SMYD3: variants seen among roughly 807,000 people sequenced by gnomAD.
SMYD3 encodes SET and MYND domain containing 3.
SMYD3 carries 36 observed loss-of-function variants against 57.7 expected under a neutral mutation model. The ratio of observed to expected loss-of-function variants is 0.62; its 90% CI spans 0.48 to 0.82. SMYD3 has a LOEUF of 0.82. SMYD3 is among the 40% of genes least tolerant of loss of function. SMYD3 has a pLI of 0.00. For missense variants in SMYD3, 515 were observed against 538.8 expected (o/e 0.96, Z 0.44); for synonymous variants, 211 against 195.0 (o/e 1.08, Z -0.68).
At chr1:245,828,132 T>G (rs924196903) in intron 10 of SMYD3, among the ~76,000 whole-genome samples, 1 of 152,198 alleles carries the variant, frequency 6.6e-6, no homozygotes, top group Admixed American at 6.5e-5. Flanking sequence ...TATCCACATA[T>G]TAAATAAAGA....
intron 5 of SMYD3, among the ~76,000 whole-genome samples, chr1:246,039,340 T>G (rs1283677473): frequency 6.6e-6 from 1 of 152,234 alleles, no homozygotes; most frequent in Non-Finnish European, 1.5e-5. Context: ...TTCATCTAGA[T>G]GTAAACATAG....
At chr1:246,246,192 G>C (rs1284068799) in intron 5 of SMYD3, among the ~76,000 whole-genome samples, 1 of 152,068 alleles carries the variant, frequency 6.6e-6, no homozygotes, top group African/African-American at 2.4e-5. Flanking sequence ...TTCAATTATG[G>C]TGGCTTTCTT....
Position 245,773,428 on chromosome 1 carries a change from C to A in SMYD3, c.1077-9279G>T, listed in dbSNP as rs528172863. On this transcript the variant is annotated intron_variant, in intron 10 of 11. Transcript: ENST00000490107. Reference sequence around the variant, plus strand: ...TATATTAAGTGTGTTCAATTATTTTCACTTCACACTGGACTTAAAAATTTC... The same window carrying A: ...TATATTAAGTGTGTTCAATTATTTTAACTTCACACTGGACTTAAAAATTTC... Among the ~76,000 whole-genome samples, 7 of 152,318 alleles carry A rather than the reference C, an allele frequency of 4.6e-5. No homozygotes were observed. The South Asian group carries it at 1.5e-3, about 32-fold the overall frequency.
intron 8 of SMYD3, among the ~76,000 whole-genome samples, chr1:245,911,610 C>T (rs2054993775): frequency 6.6e-6 from 1 of 151,868 alleles, no homozygotes; most frequent in East Asian, 1.9e-4. Flanking sequence ...TTAAAGACAT[C>T]ACATGATGTG....
At chr1:245,753,862 T>C (rs1304027965) in intron 11 of SMYD3, among the ~76,000 whole-genome samples, 1 of 152,254 alleles carries the variant, frequency 6.6e-6, no homozygotes, top group Admixed American at 6.5e-5. Flanking sequence ...TCTGGTTTAA[T>C]TTCCTGCAGT....
intron 2 of SMYD3, among the ~76,000 whole-genome samples, chr1:246,353,123 A>C (rs909590894): frequency 6.6e-6 from 1 of 152,240 alleles, no homozygotes; most frequent in Non-Finnish European, 1.5e-5. Flanking sequence ...TCTTGTTGGT[A>C]ACAATCTTAC....
At chr1:246,015,513 T>C (rs769008398) in intron 5 of SMYD3, among the ~76,000 whole-genome samples, 1 of 152,198 alleles carries the variant, frequency 6.6e-6, no homozygotes, top group Non-Finnish European at 1.5e-5. Context: ...TTTATATTGT[T>C]GCACAACCAT....
At position 245,792,087 on chromosome 1, in the gene SMYD3, C is replaced by T. The variant is rs561219558; in HGVS notation, c.1077-27938G>A. On this transcript the variant is annotated intron_variant, in intron 10 of 11. Coordinates refer to ENST00000490107, the MANE Select transcript of SMYD3 (RefSeq NM_001167740.2). ...TATATGAAAGAGTGCTGACTTTGTA[C>T]CTAGAGGGTTTACAACTGAGCCAAC... Among the ~76,000 whole-genome samples, 32 of 151,772 alleles carry T rather than the reference C, an allele frequency of 2.1e-4. No homozygotes were observed. In the South Asian group the frequency reaches 2.7e-3, roughly 13 times the overall value.
intron 5 of SMYD3, among the ~76,000 whole-genome samples, chr1:246,181,980 A>G (rs1164853322): frequency 6.6e-6 from 1 of 152,268 alleles, no homozygotes; most frequent in East Asian, 1.9e-4. Context: ...GGCATTTGTA[A>G]TAATAAAAAG....
At chr1:246,428,420 A>T (rs2067250884) in intron 1 of SMYD3, among the ~76,000 whole-genome samples, 1 of 152,236 alleles carries the variant, frequency 6.6e-6, no homozygotes, top group Admixed American at 6.5e-5. Flanking sequence ...GGCAGGTTTC[A>T]GAGTTGGTTA....
At chr1:246,063,093 A>G (rs2060281185) in intron 5 of SMYD3, among the ~76,000 whole-genome samples, 1 of 152,160 alleles carries the variant, frequency 6.6e-6, no homozygotes, top group African/African-American at 2.4e-5. Flanking sequence ...GCAGACTCTC[A>G]GGGCTCGGCA....
intron 5 of SMYD3, among the ~76,000 whole-genome samples, chr1:246,219,723 G>A (rs2063222462): frequency 6.6e-6 from 1 of 152,172 alleles, no homozygotes; most frequent in South Asian, 2.1e-4. Context: ...GGCTTTCGTG[G>A]TCACAGGCAC....
chr1:246,430,610 G>A (rs761494468), intron 1 of SMYD3, among the ~76,000 whole-genome samples: 4 of 152,186 alleles, frequency 2.6e-5, no homozygotes, highest in African/African-American at 7.2e-5. Context: ...CTGGGCTTAC[G>A]GGGCTTGTGG....
intron 5 of SMYD3, among the ~76,000 whole-genome samples, chr1:246,098,938 A>G (rs749475632): frequency 6.6e-6 from 1 of 152,194 alleles, no homozygotes; most frequent in Non-Finnish European, 1.5e-5. Context: ...CTTCTAGGCT[A>G]TCTCTGGGAA....
rs1003867234 is a variant in SMYD3, at chr1:246,071,231, T to G, written c.532-141294A>C. ...TATCAAAACAACACAAAACAATTTT[T>G]TGTGTGTGTCTGTAAAAAAAAATTG... On this transcript the variant is annotated intron_variant, in intron 5 of 11. Transcript: ENST00000490107. 9.2e-5 allele frequency among the ~76,000 whole-genome samples: 14 copies of G among 152,102 alleles called. 1 individual carries two copies. The highest frequency in any genetic ancestry group is 8.5e-4 in the Admixed American group (13 of 15,274).
At chr1:246,275,235 G>GT (rs1161258525) in intron 5 of SMYD3, among the ~76,000 whole-genome samples, 1 of 152,200 alleles carries the variant, frequency 6.6e-6, no homozygotes, top group Non-Finnish European at 1.5e-5. Context: ...CTCTGCTGCT[G>GT]TAACAATAGA....
chr1:246,088,053 T>C (rs544456060), intron 5 of SMYD3, among the ~76,000 whole-genome samples: 1 of 152,304 alleles, frequency 6.6e-6, no homozygotes, highest in Non-Finnish European at 1.5e-5. Context: ...CTTCGTCCTC[T>C]GTGAGCCCCT....
chr1:246,064,212 T>C (rs1482837869), intron 5 of SMYD3, among the ~76,000 whole-genome samples: 2 of 152,096 alleles, frequency 1.3e-5, no homozygotes, highest in Non-Finnish European at 2.9e-5. Flanking sequence ...CTTCCATCCA[T>C]TCTCCACAGG....
At chr1:246,278,174 C>T (rs1168252042) in intron 5 of SMYD3, among the ~76,000 whole-genome samples, 1 of 151,990 alleles carries the variant, frequency 6.6e-6, no homozygotes, top group African/African-American at 2.4e-5. Flanking sequence ...GAATGTGAAA[C>T]CCAGGAACAA....
Sources: gnomAD v4.1 joint callset for allele counts (sites outside exome capture counted in the v4.1 genomes callset) on GRCh38, gnomAD v4.1.1 for gene constraint, MANE v1.5 for transcripts, NCBI Gene and HGNC (gene_info 2026-07-23, HGNC 2026-07-21) for gene names.